Variants in ESRRG observed in about 807,000 individuals in gnomAD.
The protein encoded by ESRRG is estrogen related receptor gamma, also known as estrogen-related receptor gamma.
In ESRRG, 13 loss-of-function variants were observed where a neutral mutation model predicts 44.0. The ratio of observed to expected loss-of-function variants is 0.30; its 90% CI spans 0.19 to 0.47. The LOEUF (loss-of-function observed/expected upper bound fraction) is 0.47. Among genes scored for constraint, ESRRG ranks in the 20% least tolerant of loss-of-function variants. The probability of loss-of-function intolerance (pLI) is 1.00; values close to 1 mark genes in which losing one functional copy is unlikely to be tolerated. For synonymous variants in ESRRG, 215 were observed against 214.6 expected (o/e 1.00, Z -0.02); for missense variants, 395 against 580.6 (o/e 0.68, Z 3.29).
At chr1:216,913,062 T>C (rs2060663825) in intron 2 of ESRRG, among the ~76,000 whole-genome samples, 1 of 143,790 alleles carries the variant, frequency 7.0e-6, no homozygotes, top group South Asian at 2.2e-4. Flanking sequence ...GTGTGGAGGT[T>C]GCAGTGAACC....
chr1:216,725,188 G>C (rs1309003429), upstream of ESRRG, among the ~76,000 whole-genome samples: 1 of 152,088 alleles, frequency 6.6e-6, no homozygotes, highest in African/African-American at 2.4e-5. Context: ...CTATATCTAA[G>C]ATATAGGCCT....
At chr1:216,623,678 A>C (rs1003097636) in intron 3 of ESRRG, among the ~76,000 whole-genome samples, 3 of 152,196 alleles carry the variant, frequency 2.0e-5, no homozygotes, top group Non-Finnish European at 4.4e-5. Flanking sequence ...AAACTTACCC[A>C]ATGTCACGTT....
intron 3 of ESRRG, among the ~76,000 whole-genome samples, chr1:216,607,952 G>A (rs1371607024): frequency 6.6e-6 from 1 of 152,198 alleles, no homozygotes. Flanking sequence ...TTACTCTGTT[G>A]AAAGAAGAGG....
intron 3 of ESRRG, among the ~76,000 whole-genome samples, chr1:216,603,714 A>G (rs2059542861): frequency 6.6e-6 from 1 of 152,172 alleles, no homozygotes; most frequent in Non-Finnish European, 1.5e-5. Flanking sequence ...GGATCACTTG[A>G]GGCCAGGAGT....
chr1:216,883,486 G>A (rs140744583), intron 2 of ESRRG, among the ~76,000 whole-genome samples: 469 of 151,968 alleles, frequency 3.1e-3, no homozygotes, highest in African/African-American at 0.011. Context: ...GGTTACAGAA[G>A]GGAGACAGTA....
At chr1:216,989,385 A>G (rs991020535) in intron 1 of ESRRG, among the ~76,000 whole-genome samples, 1 of 138,540 alleles carries the variant, frequency 7.2e-6, no homozygotes, top group African/African-American at 2.6e-5. Context: ...GTGAGCCGTG[A>G]TGTTGCCACT....
intron 2 of ESRRG, among the ~76,000 whole-genome samples, chr1:216,933,997 A>G (rs796596470): frequency 5.3e-4 from 81 of 152,310 alleles, no homozygotes; most frequent in Middle Eastern, 3.4e-3. Flanking sequence ...AGCAATTTTG[A>G]AGAATACTAT....
At chr1:216,998,784 GGATTTATA>G (rs1172172363) in intron 1 of ESRRG, among the ~76,000 whole-genome samples, 7 of 152,004 alleles carry the variant, frequency 4.6e-5, no homozygotes, top group Non-Finnish European at 8.8e-5. Context: ...GAATATAAAT[GGATTTATA>G]ACACATTTCA....
At chr1:217,076,913 G>A (rs556374690) in intron 1 of ESRRG, 4 of 152,166 alleles carry the variant, frequency 2.6e-5, no homozygotes, top group African/African-American at 7.2e-5. Flanking sequence ...CTTCTCCATG[G>A]AAGCACAGAG....
chr1:216,721,107 C>T (rs981811622), intron 1 of ESRRG, among the ~76,000 whole-genome samples: 12 of 152,268 alleles, frequency 7.9e-5, no homozygotes, highest in African/African-American at 2.9e-4. Flanking sequence ...AAATGTGAAA[C>T]AAGCTTTCAA....
intron 5 of ESRRG, among the ~76,000 whole-genome samples, chr1:216,557,655 T>G (rs2057859927): frequency 6.6e-6 from 1 of 152,142 alleles, no homozygotes; most frequent in African/African-American, 2.4e-5. Context: ...TAGTTTTATA[T>G]TTAAAGCTTA....
chr1:216,708,033 A>G (rs2082781061), intron 1 of ESRRG, among the ~76,000 whole-genome samples: 1 of 152,220 alleles, frequency 6.6e-6, no homozygotes, highest in South Asian at 2.1e-4. Flanking sequence ...AAGTGGTGTT[A>G]GATTAATTTT....
At chr1:216,939,356 A>AC (rs67485980) in intron 2 of ESRRG, among the ~76,000 whole-genome samples, 16,242 of 143,802 alleles carry the variant, frequency 0.11, 1,772 homozygotes, top group Admixed American at 0.17. Context: ...AAAAAAAAAA[A>AC]AAAAAAAAAA....
intron 3 of ESRRG, among the ~76,000 whole-genome samples, chr1:216,643,568 C>T (rs1242023938): frequency 6.6e-6 from 1 of 152,162 alleles, no homozygotes; most frequent in East Asian, 1.9e-4. Context: ...TTTTGAGATA[C>T]AGTGTCCTCA....
chr1:216,792,227 A>G (rs1424951856), intron 2 of ESRRG, among the ~76,000 whole-genome samples: 1 of 152,184 alleles, frequency 6.6e-6, no homozygotes, highest in African/African-American at 2.4e-5. Flanking sequence ...CATATTTGCT[A>G]AATATCTCAT....
At chr1:217,057,673 A>G (rs1475173895) in intron 1 of ESRRG, among the ~76,000 whole-genome samples, 1 of 152,122 alleles carries the variant, frequency 6.6e-6, no homozygotes, top group Non-Finnish European at 1.5e-5. Context: ...GAAAAGGAGG[A>G]AAACTGAAAA....
intron 2 of ESRRG, among the ~76,000 whole-genome samples, chr1:216,791,010 A>G (rs1165654704): frequency 6.6e-6 from 1 of 152,170 alleles, no homozygotes; most frequent in African/African-American, 2.4e-5. Context: ...TTCAACATTA[A>G]TTGGTATTTC....
At chr1:216,985,930 A>G (rs369576777) in intron 1 of ESRRG, 3 of 152,338 alleles carry the variant, frequency 2.0e-5, no homozygotes, top group African/African-American at 7.2e-5. Context: ...AGGACATGAA[A>G]TAGGTAAAGA....
At chr1:216,842,561 G>A (rs2095668702) in intron 2 of ESRRG, among the ~76,000 whole-genome samples, 1 of 152,114 alleles carries the variant, frequency 6.6e-6, no homozygotes, top group African/African-American at 2.4e-5. Flanking sequence ...AATCCATAGT[G>A]TCCTTAATGT....
Sources: gnomAD v4.1 joint callset for allele counts (sites outside exome capture counted in the v4.1 genomes callset) on GRCh38, gnomAD v4.1.1 for gene constraint, MANE v1.5 for transcripts, NCBI Gene and HGNC (gene_info 2026-07-23, HGNC 2026-07-21) for gene names.